DACH2: variants seen among roughly 807,000 people sequenced by gnomAD.
DACH2 encodes dachshund homolog 2.
A neutral mutation model predicts 35.8 loss-of-function variants in DACH2; 17 were observed. That is an observed-to-expected ratio of 0.48 (90% CI 0.33 to 0.71). The LOEUF (loss-of-function observed/expected upper bound fraction) is 0.71, where lower values mean the gene tolerates loss of function less well. Among genes scored for constraint, DACH2 ranks in the 30% least tolerant of loss-of-function variants. The probability of loss-of-function intolerance (pLI) is 0.02; values close to 1 mark genes in which losing one functional copy is unlikely to be tolerated. For missense variants in DACH2, 469 were observed against 472.7 expected, an observed-to-expected ratio of 0.99 and a Z score of 0.07; for synonymous variants, 195 against 177.3, an observed-to-expected ratio of 1.10 and a Z score of -0.79.
intron 1 of DACH2, among the ~76,000 whole-genome samples, chrX:86,221,393 C>T (rs6653098): frequency 2.7e-5 from 3 of 111,334 alleles, no homozygotes; most frequent in Non-Finnish European, 5.6e-5. Flanking sequence ...TAATTCTGAG[C>T]TCTCTATTCT....
At chrX:86,179,912 T>C (rs1438807312) in intron 1 of DACH2, among the ~76,000 whole-genome samples, 1 of 108,764 alleles carries the variant, frequency 9.2e-6, no homozygotes, top group East Asian at 2.9e-4. Context: ...AGAACAAATA[T>C]AGTCCCCTTA....
chrX:86,331,356 G>A (rs969499011), intron 1 of DACH2, among the ~76,000 whole-genome samples: 1 of 110,562 alleles, frequency 9.0e-6, no homozygotes, highest in Non-Finnish European at 1.9e-5. Context: ...ATAACAGCAG[G>A]GTCACTTGGA....
chrX:86,432,417 C>G (rs769861327), intron 2 of DACH2, among the ~76,000 whole-genome samples: 7 of 111,925 alleles, frequency 6.3e-5, no homozygotes, highest in Admixed American at 1.9e-4. Flanking sequence ...TGACAGTAAT[C>G]CTGACAAAAG....
chrX:86,162,521 C>A (rs2030799802), intron 1 of DACH2, among the ~76,000 whole-genome samples: 2 of 110,469 alleles, frequency 1.8e-5, no homozygotes, highest in South Asian at 7.7e-4. Context: ...TTTTAATTGT[C>A]TTCATTTTAG....
chrX:86,781,677 A>C (rs1468237967), intron 7 of DACH2, among the ~76,000 whole-genome samples: 2 of 111,211 alleles, frequency 1.8e-5, no homozygotes, highest in African/African-American at 6.5e-5. Context: ...AGAAGGACAG[A>C]ACTAATGGAA....
At chrX:86,441,084 G>T (rs1396263356) in intron 2 of DACH2, among the ~76,000 whole-genome samples, 1 of 111,118 alleles carries the variant, frequency 9.0e-6, no homozygotes, top group Non-Finnish European at 1.9e-5. Flanking sequence ...GTAAATGGTA[G>T]GTGTATATAT....
chrX:86,638,012 T>G (rs891515316), intron 3 of DACH2, among the ~76,000 whole-genome samples: 4 of 109,857 alleles, frequency 3.6e-5, no homozygotes, highest in African/African-American at 1.3e-4. Flanking sequence ...TCCCAAATTA[T>G]ACATCAGAGG....
chrX:86,714,104 T>A (rs1202281825), intron 5 of DACH2, among the ~76,000 whole-genome samples: 1 of 111,836 alleles, frequency 8.9e-6, no homozygotes, highest in Non-Finnish European at 1.9e-5. Flanking sequence ...GCTTAGAGAA[T>A]CTACATCCTG....
chrX:86,723,432 C>T (rs5923614), intron 6 of DACH2, among the ~76,000 whole-genome samples: 24,711 of 107,766 alleles, frequency 0.23, 2,219 homozygotes, highest in East Asian at 0.48. Flanking sequence ...AGGCAGTTAA[C>T]GGTATAAACT....
At chrX:86,597,116 G>T (rs2039722905) in intron 3 of DACH2, among the ~76,000 whole-genome samples, 1 of 111,181 alleles carries the variant, frequency 9.0e-6, no homozygotes, top group South Asian at 3.7e-4. Flanking sequence ...GCCTATTCAG[G>T]GCCCCTTGCA....
chrX:86,624,824 C>A (rs2040114457), intron 3 of DACH2, among the ~76,000 whole-genome samples: 1 of 111,224 alleles, frequency 9.0e-6, no homozygotes. Flanking sequence ...AGATGGAGTG[C>A]CTTTTCTCAT....
intron 1 of DACH2, among the ~76,000 whole-genome samples, chrX:86,209,362 C>A (rs943808720): frequency 2.7e-5 from 3 of 111,566 alleles, no homozygotes; most frequent in Admixed American, 9.5e-5. Context: ...TAAACACAAA[C>A]AAACTCTTAA....
intron 1 of DACH2, among the ~76,000 whole-genome samples, chrX:86,355,425 G>C (rs1317826616): frequency 1.8e-5 from 2 of 112,223 alleles, no homozygotes. Flanking sequence ...TGATCTTTGA[G>C]AAATCTCCAA....
At chrX:86,798,444 C>T (rs147939535) in intron 7 of DACH2, among the ~76,000 whole-genome samples, 3,421 of 112,515 alleles carry the variant, frequency 0.03, 126 homozygotes, top group African/African-American at 0.1. Flanking sequence ...ACAAAATGTA[C>T]ATAAAACATT....
chrX:86,297,567 T>A, intron 1 of DACH2, among the ~76,000 whole-genome samples: 1 of 111,852 alleles, frequency 8.9e-6, no homozygotes, highest in Non-Finnish European at 1.9e-5. Context: ...GCAGTCAGAT[T>A]GTATAAGGCT....
chrX:86,734,827 G>A (rs2041578477), intron 6 of DACH2, among the ~76,000 whole-genome samples: 2 of 111,474 alleles, frequency 1.8e-5, no homozygotes, highest in African/African-American at 3.3e-5. Context: ...AGTCTTTCAA[G>A]TTACAGTCTG....
Position 86,254,781 on chromosome X carries a change from A to ATATATATATATAT in DACH2, c.488+105673_488+105674insTATATATATATAT, listed in dbSNP as rs1556004270. On this transcript the variant is annotated intron_variant, in intron 1 of 11. Coordinates refer to ENST00000373125, the MANE Select transcript of DACH2 (RefSeq NM_053281.3). Reference sequence around the variant, plus strand: ...GTGTGGGGTGTTATTCAAATAAATAAATATATATATATATATATATATATA... The same window carrying ATATATATATATAT: ...GTGTGGGGTGTTATTCAAATAAATAATATATATATATATATATATATATATATATATATATATA... Among the ~76,000 whole-genome samples, 129 of 22,545 alleles carry ATATATATATATAT rather than the reference A, an allele frequency of 5.7e-3. 4 individuals are homozygous for ATATATATATATAT. The highest frequency in any genetic ancestry group is 0.056 in the Middle Eastern group (1 of 18). The allele number at this position is 22,545 out of a possible 115,157, so 19.6% of individuals were successfully genotyped here. A position where few individuals can be genotyped will look rare whatever the true frequency, so the allele number is the denominator to read the frequency against.
At chrX:86,800,690 G>A (rs1172774686) in intron 7 of DACH2, among the ~76,000 whole-genome samples, 1 of 111,507 alleles carries the variant, frequency 9.0e-6, no homozygotes, top group African/African-American at 3.3e-5. Flanking sequence ...TGTTTTTTGA[G>A]ATGGAGTCTC....
chrX:86,172,363 C>A (rs2031153022), intron 1 of DACH2, among the ~76,000 whole-genome samples: 1 of 111,639 alleles, frequency 9.0e-6, no homozygotes, highest in African/African-American at 3.3e-5. Flanking sequence ...CAGCATCATC[C>A]ATTGTGATAA....
Sources: gnomAD v4.1 joint callset for allele counts (sites outside exome capture counted in the v4.1 genomes callset) on GRCh38, gnomAD v4.1.1 for gene constraint, MANE v1.5 for transcripts, NCBI Gene and HGNC (gene_info 2026-07-23, HGNC 2026-07-21) for gene names.